Variants in WDFY4 observed in about 807,000 individuals in gnomAD.
WDFY4 encodes the protein WDFY family member 4.
A neutral mutation model predicts 351.9 loss-of-function variants in WDFY4; 169 were observed. The ratio of observed to expected loss-of-function variants is 0.48; its 90% CI spans 0.42 to 0.55. The LOEUF (loss-of-function observed/expected upper bound fraction) is 0.55, where lower values mean the gene tolerates loss of function less well. Among genes scored for constraint, WDFY4 ranks in the 20% least tolerant of loss-of-function variants. The probability of loss-of-function intolerance (pLI) is 0.00; values close to 1 mark genes in which losing one functional copy is unlikely to be tolerated. For missense variants in WDFY4, 3,803 were observed against 3,935.6 expected (o/e 0.97, Z 0.90); for synonymous variants, 1,622 against 1,574.6 (o/e 1.03, Z -0.71).
intron 51 of WDFY4, among the ~76,000 whole-genome samples, chr10:48,955,152 A>G (rs1310076996): frequency 2.0e-5 from 3 of 152,218 alleles, no homozygotes; most frequent in Non-Finnish European, 4.4e-5. Flanking sequence ...ATACATTTCA[A>G]TGAGTGACTC....
At chr10:48,777,128 C>CT (rs2066058482) in intron 16 of WDFY4, 144 bp downstream of exon 16, 1 of 1,098,678 alleles carries the variant, frequency 9.1e-7, no homozygotes, top group African/African-American at 1.6e-5. Flanking sequence ...GGACACCCGC[C>CT]TACTCAGCGG....
chr10:48,974,957 G>C lies in WDFY4; in HGVS notation c.9024G>C (p.Leu3008=), dbSNP rs1298998382. ...VSGSQDCTCI[L]WDLDHLTHVT... Reference sequence around the variant, plus strand: ...GCTCCCAGGACTGCACCTGTATCCTGTGGGATCTGGACCACCTCACCCACG... The same window carrying C: ...GCTCCCAGGACTGCACCTGTATCCTCTGGGATCTGGACCACCTCACCCACG... Residue 3008 remains leucine (L), a synonymous_variant, in exon 58 of 62, where the codon CTG becomes CTC. Transcript: ENST00000325239. 1.3e-6 allele frequency: 2 copies of C among 1,551,574 alleles called. No individual in the cohort carries two copies. Among genetic ancestry groups the C allele is most frequent in the Non-Finnish European group, 1.7e-6 (2 of 1,147,008 alleles).
intron 47 of WDFY4, among the ~76,000 whole-genome samples, chr10:48,925,983 C>G (rs988532923): frequency 1.3e-5 from 2 of 152,140 alleles, no homozygotes; most frequent in African/African-American, 2.4e-5. Flanking sequence ...TCCCCAAAGT[C>G]ACACAGGCAG....
chr10:48,879,764 G>A (rs1589802307), intron 43 of WDFY4, among the ~76,000 whole-genome samples: 1 of 152,120 alleles, frequency 6.6e-6, no homozygotes, highest in African/African-American at 2.4e-5. Context: ...CTGGCTGCCA[G>A]GGTTCATCTG....
At chr10:48,957,969 G>A (rs574430797) in intron 52 of WDFY4, among the ~76,000 whole-genome samples, 3 of 152,320 alleles carry the variant, frequency 2.0e-5, no homozygotes, top group Non-Finnish European at 4.4e-5. Flanking sequence ...GCCTGGGCAG[G>A]TCACCGGCCT....
At chr10:48,718,195 T>A (rs2132257734) in intron 2 of WDFY4, among the ~76,000 whole-genome samples, 1 of 152,358 alleles carries the variant, frequency 6.6e-6, no homozygotes, top group East Asian at 1.9e-4. Flanking sequence ...TCTATTTTGT[T>A]CTTTTTCTAA....
At chr10:48,825,816 C>T (rs1308481810) in intron 35 of WDFY4, among the ~76,000 whole-genome samples, 6 of 149,472 alleles carry the variant, frequency 4.0e-5, no homozygotes, top group Non-Finnish European at 5.9e-5. Flanking sequence ...TTGGTTTTTT[C>T]TTATAAATTT....
At chr10:48,768,578 C>T (rs917320233) in intron 13 of WDFY4, among the ~76,000 whole-genome samples, 14 of 152,234 alleles carry the variant, frequency 9.2e-5, no homozygotes, top group Admixed American at 2.6e-4. Context: ...CTGGGTTAGG[C>T]GCGCCTATTG....
rs1206296982 is a variant in WDFY4, at chr10:48,943,402, A to T, written c.7702A>T (p.Met2568Leu). ...GGCTGGGAGAACCTGCAATGACTACATGCAGTACCCAGTGTTCCCCTGGGT... is the reference window on the plus strand; with the variant it reads ...GGCTGGGAGAACCTGCAATGACTACTTGCAGTACCCAGTGTTCCCCTGGGT... ...TAAGRTCNDY[M>L]QYPVFPWVLA... The change falls in exon 49 of 62, where the codon ATG becomes TTG. Residue 2568 changes from methionine to leucine, a missense_variant. Physicochemically the swap from Met to Leu is conservative, Grantham distance 15. Coordinates refer to ENST00000325239, the MANE Select transcript of WDFY4 (RefSeq NM_001394531.1). 1 of 1,551,770 alleles carries T rather than the reference A, an allele frequency of 6.4e-7. No homozygotes were observed. The highest frequency in any genetic ancestry group is 2.4e-5 in the East Asian group (1 of 40,920).
chr10:48,787,898 TTCTTCTTCTTCTTC>T lies in WDFY4; in HGVS notation c.3809-630_3809-617del, dbSNP rs1565198549. ...TCTTTCTTTCTTCTTCTTCTCCTTC[TTCTTCTTCTTCTTC>T]TTCTTCTTCTTCTTCTTCTTCTTCT... On this transcript the variant is annotated intron_variant, in intron 20 of 61. Coordinates refer to ENST00000325239, the MANE Select transcript of WDFY4 (RefSeq NM_001394531.1). Among the ~76,000 whole-genome samples the T allele has an allele frequency of 4.2e-3, 123 of 29,466 alleles. 9 individuals are homozygous for T. Among genetic ancestry groups the T allele is most frequent in the South Asian group, 0.013 (11 of 852 alleles). The allele number at this position is 29,466 out of a possible 152,430, so 19.3% of individuals were successfully genotyped here.
chr10:48,963,243 A>G (rs1019459577), intron 53 of WDFY4, among the ~76,000 whole-genome samples: 1 of 152,326 alleles, frequency 6.6e-6, no homozygotes, highest in South Asian at 2.1e-4. Flanking sequence ...TAGTGAAATC[A>G]CCTAACTCCT....
chr10:48,936,968 G>A (rs1840413231), intron 47 of WDFY4, among the ~76,000 whole-genome samples: 1 of 151,820 alleles, frequency 6.6e-6, no homozygotes. Flanking sequence ...CACCCAGGCT[G>A]GAGTGCAGTG....
chr10:48,899,518 T>C (rs1378907860), intron 45 of WDFY4, among the ~76,000 whole-genome samples: 1 of 151,792 alleles, frequency 6.6e-6, no homozygotes, highest in African/African-American at 2.4e-5. Context: ...GTCTCTTCTC[T>C]CCCTAACTCT....
Position 48,941,036 on chromosome 10 carries a change from A to T in WDFY4, c.7587-770A>T, listed in dbSNP as rs531104639. ...TTTTTAACCCAGTAGCACCACAGCT[A>T]CTCACAGAAGTACCCAGAGACATGT... On this transcript the variant is annotated intron_variant, in intron 47 of 61. Coordinates refer to ENST00000325239, the MANE Select transcript of WDFY4 (RefSeq NM_001394531.1). Among the ~76,000 whole-genome samples, 5 of 152,172 alleles carry T rather than the reference A, an allele frequency of 3.3e-5. No individual in the cohort carries two copies. The South Asian group carries it at 8.3e-4, about 25-fold the overall frequency.
intron 47 of WDFY4, 107 bp downstream of exon 47, chr10:48,901,970 A>ACT (rs1837378960): frequency 4.3e-5 from 42 of 986,818 alleles, no homozygotes; most frequent in Non-Finnish European, 5.9e-5. Context: ...CATGCCCAAC[A>ACT]GTTTCCCTCA....
At chr10:48,739,116 G>A (rs1429411729) in intron 11 of WDFY4, among the ~76,000 whole-genome samples, 1 of 152,230 alleles carries the variant, frequency 6.6e-6, no homozygotes, top group Non-Finnish European at 1.5e-5. Context: ...ACATTTAGCT[G>A]TTCAACTCTG....
chr10:48,698,648 C>T (rs1240440151), intron 1 of WDFY4, among the ~76,000 whole-genome samples: 1 of 152,198 alleles, frequency 6.6e-6, no homozygotes, highest in African/African-American at 2.4e-5. Context: ...CCAAATATGG[C>T]TCCTGCTTTG....
intron 3 of WDFY4, among the ~76,000 whole-genome samples, chr10:48,720,857 C>T (rs895814459): frequency 5.9e-5 from 9 of 152,068 alleles, no homozygotes; most frequent in East Asian, 1.9e-4. Flanking sequence ...GGCTGAGGGC[C>T]GAGGGTCAGG....
chr10:48,897,960 G>A (rs1174180686), intron 45 of WDFY4, among the ~76,000 whole-genome samples: 1 of 152,158 alleles, frequency 6.6e-6, no homozygotes, highest in Non-Finnish European at 1.5e-5. Context: ...GCCCTGTCCT[G>A]CCCACAGGGG....
Sources: gnomAD v4.1 joint callset for allele counts (sites outside exome capture counted in the v4.1 genomes callset) on GRCh38, gnomAD v4.1.1 for gene constraint, MANE v1.5 for transcripts, NCBI Gene and HGNC (gene_info 2026-07-23, HGNC 2026-07-21) for gene names.